NRG3: variants seen among roughly 807,000 people sequenced by gnomAD.
NRG3 encodes the protein neuregulin 3.
Under a neutral mutation model 66.9 loss-of-function variants are expected in NRG3, and 31 were observed. The ratio of observed to expected loss-of-function variants is 0.46; its 90% CI spans 0.35 to 0.63. NRG3 has a LOEUF of 0.63. Ranked by LOEUF, NRG3 falls within the 20% of genes least tolerant of loss-of-function variation. The pLI, the probability that NRG3 is intolerant of heterozygous loss-of-function variation, is 0.00. For synonymous variants in NRG3, 393 were observed against 359.4 expected, an observed-to-expected ratio of 1.09 and a Z score of -1.06; for missense variants, 910 against 878.9, an observed-to-expected ratio of 1.04 and a Z score of -0.45.
At position 82,942,877 on chromosome 10, in the gene NRG3, G is replaced by A. The variant is rs188009555; in HGVS notation, c.1055-8592G>A. 2.0e-4 allele frequency among the ~76,000 whole-genome samples: 30 copies of A among 152,146 alleles called. 1 individual carries two copies. Among genetic ancestry groups the A allele is most frequent in the Middle Eastern group, 6.8e-3 (2 of 294 alleles). Reference sequence around the variant, plus strand: ...GCCCATTCCCCAAAGAGGTCTGCTTGTATTACATCCCTCAAAATTTCTGGG... The same window carrying A: ...GCCCATTCCCCAAAGAGGTCTGCTTATATTACATCCCTCAAAATTTCTGGG... On this transcript the variant is annotated intron_variant, in intron 4 of 8. Transcript: ENST00000372141.
At chr10:82,257,699 G>A (rs1014188336) in intron 1 of NRG3, among the ~76,000 whole-genome samples, 1 of 152,030 alleles carries the variant, frequency 6.6e-6, no homozygotes, top group Non-Finnish European at 1.5e-5. Flanking sequence ...CCTGGGAGAC[G>A]AAGGTTGCAG....
intron 2 of NRG3, among the ~76,000 whole-genome samples, chr10:82,434,926 C>T (rs1182666807): frequency 2.0e-5 from 3 of 151,932 alleles, no homozygotes; most frequent in Non-Finnish European, 4.4e-5. Context: ...ATGTGTCTTC[C>T]CGGTTTTGGT....
chr10:82,431,388 G>A (rs532418982), intron 2 of NRG3, among the ~76,000 whole-genome samples: 4 of 152,124 alleles, frequency 2.6e-5, no homozygotes, highest in African/African-American at 9.7e-5. Flanking sequence ...TGGAACTAAG[G>A]TGAGAGGAAT....
At chr10:82,234,696 C>T (rs2076670477) in intron 1 of NRG3, among the ~76,000 whole-genome samples, 2 of 152,206 alleles carry the variant, frequency 1.3e-5, no homozygotes, top group Non-Finnish European at 2.9e-5. Context: ...ACAGCAGGGA[C>T]AGCATCGTAA....
At chr10:82,311,545 T>C (rs1564781521) in intron 1 of NRG3, among the ~76,000 whole-genome samples, 1 of 152,156 alleles carries the variant, frequency 6.6e-6, no homozygotes, top group Admixed American at 6.5e-5. Flanking sequence ...AAAAACCGAA[T>C]AGCAACAACA....
chr10:82,912,817 A>G (rs1413621896), intron 4 of NRG3, among the ~76,000 whole-genome samples: 1 of 152,024 alleles, frequency 6.6e-6, no homozygotes, highest in Non-Finnish European at 1.5e-5. Context: ...TAGCATATCA[A>G]TTATGTTTTC....
At position 82,079,611 on chromosome 10, in the gene NRG3, T is replaced by C. The variant is rs138996042; in HGVS notation, c.823+203448T>C. Among the ~76,000 whole-genome samples, 595 of 152,314 alleles carry C rather than the reference T, an allele frequency of 3.9e-3. 3 individuals are homozygous for C. Among genetic ancestry groups the C allele is most frequent in the African/African-American group, 0.014 (567 of 41,566 alleles). On this transcript the variant is annotated intron_variant, in intron 1 of 8. Coordinates refer to ENST00000372141, the MANE Select transcript of NRG3 (RefSeq NM_001010848.4). ...GTTTCATTGCCGTAAAAATTCTCTG[T>C]GCTCTGTCTATTCATCCCTCTCCAC...
At chr10:82,010,823 C>A (rs1035893011) in intron 1 of NRG3, among the ~76,000 whole-genome samples, 3 of 152,132 alleles carry the variant, frequency 2.0e-5, no homozygotes, top group African/African-American at 7.2e-5. Flanking sequence ...ACTCAGGGTC[C>A]TGCAGGGATG....
At chr10:82,385,574 G>T (rs1251490750) in intron 2 of NRG3, among the ~76,000 whole-genome samples, 1 of 152,090 alleles carries the variant, frequency 6.6e-6, no homozygotes, top group African/African-American at 2.4e-5. Flanking sequence ...GATTGAATTA[G>T]ATTAAGCGTA....
chr10:81,958,282 G>A (rs1418462779), intron 1 of NRG3, among the ~76,000 whole-genome samples: 3 of 152,182 alleles, frequency 2.0e-5, no homozygotes, highest in African/African-American at 7.2e-5. Context: ...AGATCTCCAG[G>A]AAGCAAATGG....
chr10:82,118,814 G>A (rs1019570921), intron 1 of NRG3, among the ~76,000 whole-genome samples: 3 of 152,068 alleles, frequency 2.0e-5, no homozygotes, highest in Non-Finnish European at 4.4e-5. Context: ...ACAGCTAGGT[G>A]AGTGACTCCT....
intron 2 of NRG3, among the ~76,000 whole-genome samples, chr10:82,394,456 C>T (rs559722644): frequency 3.0e-4 from 46 of 152,232 alleles, no homozygotes; most frequent in Admixed American, 1.2e-3. Context: ...GAGGGTGAGA[C>T]ATCCACAGTC....
intron 2 of NRG3, among the ~76,000 whole-genome samples, chr10:82,565,737 C>T (rs1237328366): frequency 1.3e-5 from 2 of 151,894 alleles, no homozygotes; most frequent in East Asian, 1.9e-4. Context: ...TGGTTTGGGC[C>T]GTATTAAATT....
intron 5 of NRG3, among the ~76,000 whole-genome samples, chr10:82,958,604 G>A (rs1850307002): frequency 1.3e-5 from 2 of 152,148 alleles, no homozygotes; most frequent in Admixed American, 1.3e-4. Flanking sequence ...AGTCTTAATT[G>A]TTTTCCTCTA....
At chr10:82,350,521 AAT>A (rs1356554696) in intron 1 of NRG3, among the ~76,000 whole-genome samples, 1 of 152,234 alleles carries the variant, frequency 6.6e-6, no homozygotes, top group Non-Finnish European at 1.5e-5. Context: ...TGGAGCTCTG[AAT>A]ACTTTCAGCC....
At chr10:82,583,929 C>T (rs1355554415) in intron 2 of NRG3, among the ~76,000 whole-genome samples, 1 of 152,110 alleles carries the variant, frequency 6.6e-6, no homozygotes, top group East Asian at 1.9e-4. Flanking sequence ...CTAATTGGCA[C>T]TAGTGAGCCT....
At chr10:82,008,023 C>A (rs2061439988) in intron 1 of NRG3, among the ~76,000 whole-genome samples, 1 of 152,168 alleles carries the variant, frequency 6.6e-6, no homozygotes, top group African/African-American at 2.4e-5. Flanking sequence ...CAGATACTTA[C>A]TGATTGCTCA....
intron 3 of NRG3, among the ~76,000 whole-genome samples, chr10:82,754,532 G>A (rs1319197695): frequency 1.4e-5 from 2 of 146,350 alleles, no homozygotes; most frequent in African/African-American, 5.4e-5. Flanking sequence ...GAGAAAGGGG[G>A]GAAAAGAAAA....
At chr10:82,525,729 A>G (rs937979451) in intron 2 of NRG3, among the ~76,000 whole-genome samples, 23 of 151,946 alleles carry the variant, frequency 1.5e-4, no homozygotes, top group African/African-American at 5.6e-4. Context: ...ACAGCAAGAA[A>G]TAGAACTAGA....
Sources: gnomAD v4.1 joint callset for allele counts (sites outside exome capture counted in the v4.1 genomes callset) on GRCh38, gnomAD v4.1.1 for gene constraint, MANE v1.5 for transcripts, NCBI Gene and HGNC (gene_info 2026-07-23, HGNC 2026-07-21) for gene names.